RAD52: variants seen among roughly 807,000 people sequenced by gnomAD.
The protein encoded by RAD52 is DNA repair protein RAD52 homolog.
Under a neutral mutation model 55.5 loss-of-function variants are expected in RAD52, and 47 were observed. The observed-to-expected ratio is 0.85, with a 90% CI of 0.67 to 1.08. RAD52 has a LOEUF of 1.08. Ranked by LOEUF, RAD52 falls within the 50% of genes least tolerant of loss-of-function variation. RAD52 has a pLI of 0.00. For synonymous variants in RAD52, 184 were observed against 198.9 expected, an observed-to-expected ratio of 0.92 and a Z score of 0.63; for missense variants, 468 against 522.8, an observed-to-expected ratio of 0.90 and a Z score of 1.02.
At chr12:974,520 C>A (rs1357302112) in intron 1 of RAD52, 1 of 152,204 alleles carries the variant, frequency 6.6e-6, no homozygotes, top group South Asian at 2.1e-4. Context: ...CCAACTCAGA[C>A]CCCTGGAGCT....
intron 5 of RAD52, among the ~76,000 whole-genome samples, chr12:928,900 T>G (rs1264209186): frequency 1.3e-5 from 2 of 152,140 alleles, no homozygotes; most frequent in Non-Finnish European, 2.9e-5. Context: ...AAACTTTTCT[T>G]TTTTTCCACC....
At chr12:967,359 G>A (rs1396260115) in intron 1 of RAD52, among the ~76,000 whole-genome samples, 2 of 144,392 alleles carry the variant, frequency 1.4e-5, no homozygotes, top group South Asian at 2.2e-4. Context: ...TCCAGCCTGG[G>A]TGACAGAGCA....
chr12:955,724 G>A (rs1275532371), intron 1 of RAD52, among the ~76,000 whole-genome samples: 2 of 151,842 alleles, frequency 1.3e-5, no homozygotes, highest in Non-Finnish European at 2.9e-5. Context: ...CGCCTGCCTC[G>A]GTCTCCCAAA....
rs1956155207 is a variant in RAD52, at chr12:912,722, C to CAAACAAAAA, written c.*668_*669insTTTTTGTTT. On this transcript the variant is annotated 3_prime_UTR_variant, in exon 12 of 12. Transcript: ENST00000358495. Reference sequence around the variant, plus strand: ...AGGGCAACACAGCCAGACCCCGTCTCAAAAAAAAAAAAAAAAAAAAAAACA... The same window carrying CAAACAAAAA: ...AGGGCAACACAGCCAGACCCCGTCTCAAACAAAAAAAAAAAAAAAAAAAAAAAAAAAACA... 1 of 72,854 alleles carries CAAACAAAAA rather than the reference C, an allele frequency of 1.4e-5. No individual in the cohort carries two copies. The highest frequency in any genetic ancestry group is 2.6e-5 in the Non-Finnish European group (1 of 39,036). The allele number at this position is 72,854 out of a possible 1,614,324, so 4.5% of individuals were successfully genotyped here.
intron 1 of RAD52, among the ~76,000 whole-genome samples, chr12:942,542 T>G (rs1185879877): frequency 6.6e-6 from 1 of 150,954 alleles, no homozygotes; most frequent in Non-Finnish European, 1.5e-5. Context: ...AGGTCAAGAG[T>G]TCAAGACCAA....
chr12:936,212 G>C (rs556092465), intron 1 of RAD52, among the ~76,000 whole-genome samples: 1 of 151,938 alleles, frequency 6.6e-6, no homozygotes, highest in African/African-American at 2.4e-5. Flanking sequence ...GCTGAGGCTG[G>C]AGAATTGCTT....
At chr12:984,197 T>G (rs539996435) in intron 1 of RAD52, among the ~76,000 whole-genome samples, 1 of 152,212 alleles carries the variant, frequency 6.6e-6, no homozygotes, top group Non-Finnish European at 1.5e-5. Flanking sequence ...TCTGTCTCTA[T>G]GAATTTTTTT....
At chr12:974,794 T>A (rs893196128) in intron 1 of RAD52, 1 of 152,212 alleles carries the variant, frequency 6.6e-6, no homozygotes, top group Non-Finnish European at 1.5e-5. Context: ...TACAAATGAG[T>A]TACTATTATT....
At chr12:921,196 C>G (rs1005463604) in intron 7 of RAD52, among the ~76,000 whole-genome samples, 2 of 151,642 alleles carry the variant, frequency 1.3e-5, no homozygotes, top group Non-Finnish European at 2.9e-5. Flanking sequence ...TACGCTATAC[C>G]TCAAAGAACT....
intron 1 of RAD52, among the ~76,000 whole-genome samples, chr12:960,511 G>C (rs1958668608): frequency 6.6e-6 from 1 of 152,168 alleles, no homozygotes; most frequent in African/African-American, 2.4e-5. Flanking sequence ...TGACACCCAG[G>C]CTGGAGCTGC....
chr12:959,688 A>G (rs1958658005), intron 1 of RAD52, among the ~76,000 whole-genome samples: 2 of 152,356 alleles, frequency 1.3e-5, no homozygotes, highest in South Asian at 4.1e-4. Context: ...AATGTGCAAG[A>G]GCAAAACCTT....
At chr12:925,611 G>A in intron 6 of RAD52, 86 bp from the exon 7 acceptor site, 2 of 1,151,520 alleles carry the variant, frequency 1.7e-6, no homozygotes, top group Non-Finnish European at 2.6e-6. Context: ...TTTTGTACAG[G>A]TTGCTTCTCA....
rs1280199338 is a variant in RAD52 at position 933,015 on chromosome 12, T to C, written c.44A>G (p.His15Arg). 6.2e-7 allele frequency: 1 copy of C among 1,614,040 alleles called. No homozygotes were observed. ...CACTGAGCCGCCGCCAGCAGCAGGA[T>C]GGCTGTCACGTCCTCCAAGAATTGC... ...EEAILGGRDS[H>R]PAAGGGSVLC... The change falls in exon 2 of 12, where the codon CAT becomes CGT. Residue 15 changes from histidine to arginine, a missense_variant. Physicochemically the swap from His to Arg is conservative, Grantham distance 29. Transcript: ENST00000358495.
chr12:986,347 A>C (rs1040560344), intron 1 of RAD52, among the ~76,000 whole-genome samples: 1 of 151,978 alleles, frequency 6.6e-6, no homozygotes, highest in African/African-American at 2.4e-5. Context: ...TACAGGAGTG[A>C]ACTACCACAT....
chr12:955,478 C>CTT (rs386375365), intron 1 of RAD52, among the ~76,000 whole-genome samples: 27,631 of 140,100 alleles, frequency 0.2, 3,083 homozygotes, highest in Non-Finnish European at 0.27. Flanking sequence ...CTTCTTCTTT[C>CTT]TTTTTTTTTT....
chr12:972,874 G>C (rs1446570562), intron 1 of RAD52, among the ~76,000 whole-genome samples: 1 of 151,924 alleles, frequency 6.6e-6, no homozygotes, highest in African/African-American at 2.4e-5. Flanking sequence ...TGAGCTAGGA[G>C]ACTAGCAGAT....
At chr12:974,652 CCTAA>C (rs1443433055) in intron 1 of RAD52, 1 of 152,196 alleles carries the variant, frequency 6.6e-6, no homozygotes, top group Non-Finnish European at 1.5e-5. Flanking sequence ...CGAAAGCATT[CCTAA>C]CTGATTCACT....
chr12:982,960 T>C (rs1318054850), intron 1 of RAD52, among the ~76,000 whole-genome samples: 1 of 152,002 alleles, frequency 6.6e-6, no homozygotes, highest in Admixed American at 6.6e-5. Context: ...AGCGATTCTC[T>C]TGCCTCAGCC....
chr12:979,213 G>A lies in RAD52; in HGVS notation c.-19+10596C>T, dbSNP rs573518944. Among the ~76,000 whole-genome samples the A allele has an allele frequency of 2.6e-5, 4 of 152,244 alleles. No homozygotes were observed. The South Asian group carries it at 8.3e-4, about 32-fold the overall frequency. ...CTAGCACTGTGGGAGGCCGAGGTGG[G>A]TGGACTGTCTGAGCTTAGGAGTTCA... On this transcript the variant is annotated intron_variant, in intron 1 of 11. Coordinates refer to the RAD52 transcript ENST00000430095.
Sources: gnomAD v4.1 joint callset for allele counts (sites outside exome capture counted in the v4.1 genomes callset) on GRCh38, gnomAD v4.1.1 for gene constraint, MANE v1.5 for transcripts, NCBI Gene and HGNC (gene_info 2026-07-23, HGNC 2026-07-21) for gene names.